The following BCAS3 variants were observed in gnomAD, a reference collection of about 807,000 sequenced individuals.
BCAS3 encodes BCAS3 microtubule associated cell migration factor.
Under a neutral mutation model 116.1 loss-of-function variants are expected in BCAS3, and 53 were observed. The observed-to-expected ratio is 0.46, with a 90% CI of 0.37 to 0.57. BCAS3 has a LOEUF of 0.57. BCAS3 is among the 20% of genes least tolerant of loss of function. The pLI is 0.00. For missense variants in BCAS3, 917 were observed against 1,165.4 expected, an observed-to-expected ratio of 0.79 and a Z score of 3.10; for synonymous variants, 391 against 408.2, an observed-to-expected ratio of 0.96 and a Z score of 0.51.
At chr17:60,929,439 A>T (rs889159217) in intron 13 of BCAS3, among the ~76,000 whole-genome samples, 37 of 152,286 alleles carry the variant, frequency 2.4e-4, no homozygotes, top group African/African-American at 7.9e-4. Flanking sequence ...AAAAAAAATT[A>T]AAAAATTAAG....
chr17:61,018,071 A>G (rs2065589862), intron 16 of BCAS3, among the ~76,000 whole-genome samples: 1 of 152,144 alleles, frequency 6.6e-6, no homozygotes, highest in Non-Finnish European at 1.5e-5. Flanking sequence ...TACTTGTATC[A>G]TATTGTTTAC....
At chr17:61,040,750 C>A (rs2067435531) in intron 18 of BCAS3, 42 bp from the exon 19 acceptor site, 1 of 1,477,026 alleles carries the variant, frequency 6.8e-7, no homozygotes, top group Non-Finnish European at 9.5e-7. Context: ...TACATCCCAT[C>A]TATTAAGCTT....
rs2067171134 is a variant in BCAS3, at chr17:61,037,913, A to G, written c.1787A>G (p.Glu596Gly). 6.2e-7 allele frequency: 1 copy of G among 1,614,082 alleles called. No homozygotes were observed. Among genetic ancestry groups the G allele is most frequent in the Non-Finnish European group, 8.5e-7 (1 of 1,179,972 alleles). The change falls in exon 18 of 24, where the codon GAG (glutamate) becomes GGG (glycine). Residue 596 changes from glutamate to glycine, a missense_variant. Glu to Gly is a moderately conservative substitution (Grantham distance 98). Transcript: ENST00000407086. The surrounding 1 kb of genome is among the most constrained non-coding windows in gnomAD (Gnocchi z 4.7). ...GATCAGTCCAAACAAGTTGTAGTTGAGTCCCTGTACATTATCAGTTGCTAT... is the reference window on the plus strand; with the variant it reads ...GATCAGTCCAAACAAGTTGTAGTTGGGTCCCTGTACATTATCAGTTGCTAT... ...EKDQSKQVVV[E>G]SLYIISCYGT...
At chr17:61,138,305 A>G (rs2076752554) in intron 22 of BCAS3, among the ~76,000 whole-genome samples, 1 of 152,224 alleles carries the variant, frequency 6.6e-6, no homozygotes, top group African/African-American at 2.4e-5. Flanking sequence ...AGCTTTGACA[A>G]AAACCACAAA....
At chr17:61,086,585 A>G in intron 22 of BCAS3, 1 of 623,734 alleles carries the variant, frequency 1.6e-6, no homozygotes, top group Non-Finnish European at 2.0e-6. Context: ...CTTAATTTGC[A>G]TCAGAGATAC....
chr17:61,076,641 A>G (rs2072018392), intron 20 of BCAS3, among the ~76,000 whole-genome samples: 1 of 152,178 alleles, frequency 6.6e-6, no homozygotes, highest in Non-Finnish European at 1.5e-5. Flanking sequence ...GAAAGTATAT[A>G]CAATGTGTTT....
At chr17:60,920,590 G>T (rs2059018447) in intron 12 of BCAS3, among the ~76,000 whole-genome samples, 1 of 152,122 alleles carries the variant, frequency 6.6e-6, no homozygotes, top group African/African-American at 2.4e-5. Context: ...TCAAAAACTG[G>T]CTGGGCCTGG....
chr17:60,768,407 C>A (rs985231416), intron 6 of BCAS3, among the ~76,000 whole-genome samples: 1 of 152,126 alleles, frequency 6.6e-6, no homozygotes, highest in Admixed American at 6.6e-5. Flanking sequence ...GGCAGAAATA[C>A]GTGAAAAGGC....
intron 7 of BCAS3, among the ~76,000 whole-genome samples, chr17:60,860,901 T>C (rs551264580): frequency 2.6e-5 from 4 of 152,350 alleles, no homozygotes; most frequent in East Asian, 3.9e-4. Flanking sequence ...AGCCTTGTAG[T>C]ATAGTTGAAG....
chr17:60,914,645 C>T (rs1461241586), intron 12 of BCAS3, among the ~76,000 whole-genome samples: 2 of 152,170 alleles, frequency 1.3e-5, no homozygotes, highest in East Asian at 3.8e-4. Flanking sequence ...CTGTCACTAC[C>T]AGCCCTTAGA....
chr17:61,232,099 G>A (rs929736705), intron 22 of BCAS3, among the ~76,000 whole-genome samples: 1 of 150,242 alleles, frequency 6.7e-6, no homozygotes. Context: ...CAGCTACTCG[G>A]GAGACTGAGG....
At chr17:60,877,617 G>A (rs2055735626) in intron 9 of BCAS3, among the ~76,000 whole-genome samples, 1 of 152,126 alleles carries the variant, frequency 6.6e-6, no homozygotes, top group South Asian at 2.1e-4. Context: ...AGTCTCTTTT[G>A]TATTCTGTGA....
At chr17:60,773,652 TTTTA>T (rs1489733905) in intron 6 of BCAS3, among the ~76,000 whole-genome samples, 1 of 152,090 alleles carries the variant, frequency 6.6e-6, no homozygotes, top group Non-Finnish European at 1.5e-5. Context: ...TTGAGTTTTT[TTTTA>T]TTTATTCTTG....
intron 2 of BCAS3, among the ~76,000 whole-genome samples, chr17:60,680,662 G>C (rs1056862409): frequency 1.3e-5 from 2 of 149,828 alleles, no homozygotes; most frequent in Non-Finnish European, 3.0e-5. Flanking sequence ...TTTAGATGGA[G>C]TCTCACTCTG....
intron 22 of BCAS3, among the ~76,000 whole-genome samples, chr17:61,294,365 A>G (rs1415508378): frequency 6.6e-6 from 1 of 152,066 alleles, no homozygotes; most frequent in Non-Finnish European, 1.5e-5. Flanking sequence ...CCTAGGGAAA[A>G]TCATCCATCC....
At chr17:61,018,698 C>T (rs1478437158) in intron 16 of BCAS3, among the ~76,000 whole-genome samples, 7 of 152,124 alleles carry the variant, frequency 4.6e-5, no homozygotes, top group Non-Finnish European at 1.0e-4. Context: ...TCTCCCTCTG[C>T]CTGCATATAC....
rs1313057324 is a variant in BCAS3, at chr17:61,127,105, A to T, written c.2425+42541A>T. ...CATCTCTTCCACTTCACTACCAGCT[A>T]CACACATGCAGTAGGAGCTTCTTGA... On this transcript the variant is annotated intron_variant, in intron 22 of 23. Transcript: ENST00000407086. Among the ~76,000 whole-genome samples the T allele has an allele frequency of 2.0e-5, 3 of 152,200 alleles. No individual in the cohort carries two copies. In the East Asian group the frequency reaches 5.8e-4, roughly 29 times the overall value.
chr17:60,920,635 C>T (rs546300602), intron 12 of BCAS3, among the ~76,000 whole-genome samples: 1 of 152,228 alleles, frequency 6.6e-6, no homozygotes, highest in East Asian at 1.9e-4. Flanking sequence ...CTTTGGGAGG[C>T]CGAGGCAGGC....
rs576381348 is a variant in BCAS3 at position 61,309,296 on chromosome 17, C to G, written c.2426-59031C>G. Among the ~76,000 whole-genome samples the G allele has an allele frequency of 6.6e-6, 1 of 152,250 alleles. No homozygotes were observed. Among genetic ancestry groups the G allele is most frequent in the Admixed American group, 6.5e-5 (1 of 15,298 alleles). ...GACCCAGAGTCCCCTTTCGTCCTCCCCATTCATTCTAGGGTAATAAGGGCT... is the reference window on the plus strand; with the variant it reads ...GACCCAGAGTCCCCTTTCGTCCTCCGCATTCATTCTAGGGTAATAAGGGCT... On this transcript the variant is annotated intron_variant, in intron 22 of 23. Transcript: ENST00000407086. This position sits in a 1 kb window ranked among gnomAD's most constrained non-coding sequence, Gnocchi z 4.6.
Sources: gnomAD v4.1 joint callset for allele counts (sites outside exome capture counted in the v4.1 genomes callset) on GRCh38, gnomAD v4.1.1 for gene constraint, Gnocchi (gnomAD v3.1) non-coding constraint, MANE v1.5 for transcripts, NCBI Gene and HGNC (gene_info 2026-07-23, HGNC 2026-07-21) for gene names.